The following AGBL1 variants were observed in gnomAD, a reference collection of about 807,000 sequenced individuals.
AGBL1 encodes the protein cytosolic carboxypeptidase 4.
In AGBL1, 130 loss-of-function variants were observed where a neutral mutation model predicts 118.9. The observed-to-expected ratio is 1.09, with a 90% CI of 0.95 to 1.26. The LOEUF is 1.26. AGBL1 is among the 50% of genes most tolerant of loss of function. The probability of loss-of-function intolerance (pLI) is 0.00; values close to 1 mark genes in which losing one functional copy is unlikely to be tolerated. For missense variants in AGBL1, 1,584 were observed against 1,298.1 expected (o/e 1.22, Z -3.38); for synonymous variants, 555 against 478.9 (o/e 1.16, Z -2.08).
intron 22 of AGBL1, among the ~76,000 whole-genome samples, chr15:86,716,061 GT>G (rs1195449662): frequency 2.8e-5 from 3 of 106,434 alleles, no homozygotes; most frequent in Non-Finnish European, 5.1e-5. Context: ...GCAAGACTCC[GT>G]CTCAAAAAAA....
At chr15:86,971,553 C>G (rs2081108845) in intron 23 of AGBL1, among the ~76,000 whole-genome samples, 1 of 151,858 alleles carries the variant, frequency 6.6e-6, no homozygotes, top group South Asian at 2.1e-4. Context: ...AAACACTGAG[C>G]TCTATGAGAA....
intron 16 of AGBL1, among the ~76,000 whole-genome samples, chr15:86,280,512 C>A (rs983182218): frequency 6.6e-6 from 1 of 152,158 alleles, no homozygotes. Flanking sequence ...GCAAACTAAC[C>A]CTTACTGCTA....
At chr15:86,969,910 C>G (rs1397107580) in intron 23 of AGBL1, among the ~76,000 whole-genome samples, 1 of 151,862 alleles carries the variant, frequency 6.6e-6, no homozygotes, top group Non-Finnish European at 1.5e-5. Flanking sequence ...CTTTAAACAT[C>G]AGCAAAAATA....
rs533326748 is a variant in AGBL1 at position 86,342,146 on chromosome 15, CT to C, written c.2374+46745del. Reference sequence around the variant, plus strand: ...GTTTCTCCGCTTGTTATCTAACATCCTTTTTTTACTGCTACTTCTCTGCCTG... The same window carrying C: ...GTTTCTCCGCTTGTTATCTAACATCCTTTTTTACTGCTACTTCTCTGCCTG... On this transcript the variant is annotated intron_variant, in intron 17 of 22. Coordinates refer to ENST00000614907, the MANE Select transcript of AGBL1 (RefSeq NM_001386094.1). Among the ~76,000 whole-genome samples, 129 of 152,260 alleles carry C rather than the reference CT, an allele frequency of 8.5e-4. 1 individual carries two copies. The highest frequency in any genetic ancestry group is 2.9e-3 in the African/African-American group (120 of 41,544).
At chr15:86,618,717 C>CT (rs1174989447) in intron 21 of AGBL1, among the ~76,000 whole-genome samples, 1 of 152,186 alleles carries the variant, frequency 6.6e-6, no homozygotes, top group Non-Finnish European at 1.5e-5. Flanking sequence ...GACTCCCATC[C>CT]TTACTGCACC....
intron 21 of AGBL1, among the ~76,000 whole-genome samples, chr15:86,580,188 C>A (rs1477353800): frequency 6.6e-6 from 1 of 152,320 alleles, no homozygotes; most frequent in African/African-American, 2.4e-5. Flanking sequence ...TGCTTCAACA[C>A]AGCTGACCTT....
intron 1 of AGBL1, among the ~76,000 whole-genome samples, chr15:86,104,675 G>A (rs1369512718): frequency 6.6e-6 from 1 of 152,226 alleles, no homozygotes; most frequent in Non-Finnish European, 1.5e-5. Context: ...GCTTAGGGAT[G>A]CCCGTGGGGC....
At chr15:86,266,579 G>C in intron 12 of AGBL1, 122 bp downstream of exon 12, 4 of 736,966 alleles carry the variant, frequency 5.4e-6, no homozygotes, top group South Asian at 2.2e-5. Flanking sequence ...TGAAAATCCA[G>C]GTTAAAGATC....
At chr15:86,092,542 C>T (rs899891663) in intron 1 of AGBL1, among the ~76,000 whole-genome samples, 4 of 152,030 alleles carry the variant, frequency 2.6e-5, no homozygotes, top group African/African-American at 7.2e-5. Context: ...GGATTGAAGT[C>T]AAGAGAGGTG....
chr15:86,715,603 T>C (rs1411440584), intron 22 of AGBL1, among the ~76,000 whole-genome samples: 1 of 152,182 alleles, frequency 6.6e-6, no homozygotes, highest in Non-Finnish European at 1.5e-5. Flanking sequence ...TTCTCTGAAA[T>C]TTTTTGAGGA....
intron 18 of AGBL1, among the ~76,000 whole-genome samples, chr15:86,410,081 T>C (rs2081587604): frequency 6.6e-6 from 1 of 152,194 alleles, no homozygotes; most frequent in South Asian, 2.1e-4. Context: ...TCTCAATTTC[T>C]AAATACATCT....
intron 19 of AGBL1, among the ~76,000 whole-genome samples, chr15:86,536,101 A>G (rs551898767): frequency 2.0e-5 from 3 of 152,314 alleles, no homozygotes; most frequent in East Asian, 3.9e-4. Context: ...TTCCCATGCT[A>G]TCAGAATGAA....
At chr15:86,662,094 T>C (rs1161866207) in intron 21 of AGBL1, among the ~76,000 whole-genome samples, 1 of 145,648 alleles carries the variant, frequency 6.9e-6, no homozygotes, top group Non-Finnish European at 1.5e-5. Context: ...CAAATGACCA[T>C]GTAAAATTGG....
At position 86,701,861 on chromosome 15, in the gene AGBL1, TC is replaced by T. The variant is rs1465482643; in HGVS notation, c.3158+27429del. On this transcript the variant is annotated intron_variant, in intron 22 of 22. Transcript: ENST00000614907. Reference sequence around the variant, plus strand: ...CCCCATCTCTCCTTTATCCATTCCTTCCCCTTCCCTTCTCTTTTTTCTTTCC... The same window carrying T: ...CCCCATCTCTCCTTTATCCATTCCTTCCCTTCCCTTCTCTTTTTTCTTTCC... Among the ~76,000 whole-genome samples the T allele has an allele frequency of 2.1e-5, 3 of 144,934 alleles. No individual in the cohort carries two copies. In the Admixed American group the frequency reaches 2.1e-4, roughly 10 times the overall value.
intron 21 of AGBL1, among the ~76,000 whole-genome samples, chr15:86,609,160 C>T (rs564352769): frequency 6.6e-6 from 1 of 152,258 alleles, no homozygotes; most frequent in East Asian, 1.9e-4. Context: ...GAGATACATC[C>T]TTGAAGGTGT....
rs533752629 is a variant in AGBL1, at chr15:86,674,313, C to T, written c.3035C>T (p.Ala1012Val). 1.9e-6 allele frequency: 3 copies of T among 1,611,942 alleles called. No homozygotes were observed. In the African/African-American group the frequency reaches 4.0e-5, roughly 21 times the overall value. Residue 1012 changes from alanine (A) to valine (V), a missense_variant, in exon 22 of 23, where the codon GCC (alanine) becomes GTC (valine). Physicochemically the swap from Ala to Val is moderately conservative, Grantham distance 64. Coordinates refer to ENST00000614907, the MANE Select transcript of AGBL1 (RefSeq NM_001386094.1). ...ACCAGAGAACTGGAGGAGATGGGAGCCATGTTCTGTTTGGGCCTCCTCATC... is the reference window on the plus strand; with the variant it reads ...ACCAGAGAACTGGAGGAGATGGGAGTCATGTTCTGTTTGGGCCTCCTCATC... Reference protein sequence around the residue: ...FGTRELEEMGAMFCLGLLILE... With the variant: ...FGTRELEEMGVMFCLGLLILE...
chr15:86,973,140 A>G (rs1039891578), intron 23 of AGBL1, among the ~76,000 whole-genome samples: 1 of 152,044 alleles, frequency 6.6e-6, no homozygotes, highest in Non-Finnish European at 1.5e-5. Flanking sequence ...TGAAGATGGT[A>G]TGAAATGATG....
chr15:86,655,547 A>C (rs1303243994), intron 21 of AGBL1, among the ~76,000 whole-genome samples: 1 of 152,038 alleles, frequency 6.6e-6, no homozygotes, highest in Non-Finnish European at 1.5e-5. Context: ...TTTGTAAAGC[A>C]TCTTATATTA....
At chr15:86,990,604 G>T (rs954253221) in intron 24 of AGBL1, among the ~76,000 whole-genome samples, 1 of 152,146 alleles carries the variant, frequency 6.6e-6, no homozygotes, top group Non-Finnish European at 1.5e-5. Flanking sequence ...CTATCTACCA[G>T]GCACTCTTCT....
Sources: gnomAD v4.1 joint callset for allele counts (sites outside exome capture counted in the v4.1 genomes callset) on GRCh38, gnomAD v4.1.1 for gene constraint, MANE v1.5 for transcripts, NCBI Gene and HGNC (gene_info 2026-07-23, HGNC 2026-07-21) for gene names.